Variants in NRG1 observed in about 807,000 individuals in gnomAD.
NRG1 encodes the protein pro-neuregulin-1, membrane-bound isoform.
Under a neutral mutation model 63.8 loss-of-function variants are expected in NRG1, and 18 were observed. That is an observed-to-expected ratio of 0.28 (90% CI 0.19 to 0.42). The LOEUF (loss-of-function observed/expected upper bound fraction) is 0.42. Ranked by LOEUF, NRG1 falls within the 10% of genes least tolerant of loss-of-function variation. The probability of loss-of-function intolerance (pLI) is 1.00; values close to 1 mark genes in which losing one functional copy is unlikely to be tolerated. For synonymous variants in NRG1, 302 were observed against 301.3 expected (o/e 1.00, Z -0.02); for missense variants, 762 against 814.7 (o/e 0.94, Z 0.79).
chr8:31,804,404 A>G (rs1266974966), intron 1 of NRG1, among the ~76,000 whole-genome samples: 4 of 152,112 alleles, frequency 2.6e-5, no homozygotes, highest in Admixed American at 1.3e-4. Flanking sequence ...ATGGATAGGA[A>G]ATGGATAGGC....
chr8:32,160,606 G>T (rs778745475), intron 1 of NRG1, among the ~76,000 whole-genome samples: 2 of 152,206 alleles, frequency 1.3e-5, no homozygotes, highest in Non-Finnish European at 2.9e-5. Context: ...ACGCATGTGT[G>T]TGTGTACAAA....
At chr8:31,839,663 A>C (rs1826009222) in intron 1 of NRG1, among the ~76,000 whole-genome samples, 1 of 152,214 alleles carries the variant, frequency 6.6e-6, no homozygotes, top group South Asian at 2.1e-4. Flanking sequence ...CATAAGCCCA[A>C]ATAACATTTT....
intron 1 of NRG1, among the ~76,000 whole-genome samples, chr8:32,128,136 T>C (rs761195002): frequency 2.6e-5 from 4 of 151,886 alleles, no homozygotes; most frequent in Non-Finnish European, 4.4e-5. Context: ...GAGAATGAGG[T>C]TTCTTCCTCC....
chr8:32,744,196 A>G (rs969251968), intron 7 of NRG1, among the ~76,000 whole-genome samples: 6 of 152,156 alleles, frequency 3.9e-5, no homozygotes, highest in Admixed American at 1.3e-4. Flanking sequence ...TCCTGTTAAC[A>G]TAGAAGTTTC....
At chr8:32,048,226 G>A (rs1443075403) in intron 1 of NRG1, among the ~76,000 whole-genome samples, 1 of 151,222 alleles carries the variant, frequency 6.6e-6, no homozygotes, top group East Asian at 1.9e-4. Context: ...ACACGGAAGT[G>A]TAAAATATCT....
At chr8:31,889,813 GAGAGGGAC>G in intron 1 of NRG1, among the ~76,000 whole-genome samples, 1 of 152,198 alleles carries the variant, frequency 6.6e-6, no homozygotes, top group East Asian at 1.9e-4. Flanking sequence ...ATGGGAGTTG[GAGAGGGAC>G]TTACTGGTTT....
At chr8:31,888,834 AT>A (rs976598805) in intron 1 of NRG1, among the ~76,000 whole-genome samples, 26 of 152,186 alleles carry the variant, frequency 1.7e-4, no homozygotes, top group African/African-American at 5.8e-4. Context: ...GTTGATAGTT[AT>A]TTTTAGACTA....
chr8:32,307,827 C>G (rs1472366439), intron 1 of NRG1, among the ~76,000 whole-genome samples: 2 of 151,000 alleles, frequency 1.3e-5, no homozygotes, highest in East Asian at 3.9e-4. Context: ...CTCTCACAAC[C>G]TCTCTCTGTC....
intron 1 of NRG1, among the ~76,000 whole-genome samples, chr8:32,192,822 T>A (rs1842622264): frequency 6.6e-6 from 1 of 152,118 alleles, no homozygotes; most frequent in African/African-American, 2.4e-5. Flanking sequence ...TGCCCCACCC[T>A]GAATTGTAGT....
intron 7 of NRG1, among the ~76,000 whole-genome samples, chr8:32,748,416 C>T (rs1256721747): frequency 6.8e-6 from 1 of 147,598 alleles, no homozygotes; most frequent in Non-Finnish European, 1.5e-5. Context: ...GTCCTAGAGC[C>T]TTCCGCATCA....
At chr8:32,659,581 A>G (rs1802372053) in intron 5 of NRG1, among the ~76,000 whole-genome samples, 1 of 152,212 alleles carries the variant, frequency 6.6e-6, no homozygotes, top group Non-Finnish European at 1.5e-5. Flanking sequence ...TGATTTATAA[A>G]GCACAAATTA....
intron 2 of NRG1, among the ~76,000 whole-genome samples, chr8:32,604,205 G>A (rs995275041): frequency 6.6e-5 from 10 of 152,078 alleles, no homozygotes; most frequent in Non-Finnish European, 1.3e-4. Context: ...TGGAAGGTCA[G>A]CTGAGATTTT....
At chr8:32,554,704 GATATGCAC>G (rs1834779871) in intron 1 of NRG1, among the ~76,000 whole-genome samples, 1 of 152,164 alleles carries the variant, frequency 6.6e-6, no homozygotes, top group Non-Finnish European at 1.5e-5. Flanking sequence ...CTAGAAATTA[GATATGCAC>G]TTTCTTATGT....
intron 1 of NRG1, chr8:31,639,701 C>T: frequency 7.2e-7 from 1 of 1,394,638 alleles, no homozygotes; most frequent in South Asian, 1.6e-5. Context: ...ACCTGTCACT[C>T]CCTGTAACTG....
intron 1 of NRG1, among the ~76,000 whole-genome samples, chr8:32,106,936 G>A (rs1170816907): frequency 1.3e-5 from 2 of 152,080 alleles, no homozygotes; most frequent in African/African-American, 4.8e-5. Flanking sequence ...AAATGCTAAA[G>A]TTTTGGCCAG....
At chr8:31,996,110 C>T (rs1220177426) in intron 1 of NRG1, among the ~76,000 whole-genome samples, 2 of 151,670 alleles carry the variant, frequency 1.3e-5, no homozygotes, top group Admixed American at 1.3e-4. Flanking sequence ...CCTCCTTCCA[C>T]CTTTGTTTCT....
intron 6 of NRG1, among the ~76,000 whole-genome samples, chr8:32,732,529 C>G (rs1215013992): frequency 6.6e-6 from 1 of 152,020 alleles, no homozygotes; most frequent in Admixed American, 6.5e-5. Context: ...TTTAAACTAC[C>G]AATTTTGGTG....
chr8:32,209,386 C>T (rs1219298024), intron 1 of NRG1, among the ~76,000 whole-genome samples: 1 of 151,894 alleles, frequency 6.6e-6, no homozygotes, highest in Non-Finnish European at 1.5e-5. Flanking sequence ...TTTTTTATTG[C>T]TATAACTTTT....
chr8:32,697,989 C>T (rs1379408010), intron 5 of NRG1, among the ~76,000 whole-genome samples: 8 of 152,184 alleles, frequency 5.3e-5, no homozygotes, highest in South Asian at 2.1e-4. Flanking sequence ...AGGCAGATCA[C>T]GAGGTCAAGA....
Sources: allele counts gnomAD v4.1 joint callset (sites outside exome capture counted in the v4.1 genomes callset), GRCh38; gene constraint gnomAD v4.1.1; transcripts MANE v1.5; gene names NCBI Gene and HGNC (gene_info 2026-07-23, HGNC 2026-07-21).